Variants in AKAP6 observed in about 807,000 individuals in gnomAD.
The protein encoded by AKAP6 is A-kinase anchor protein 6.
A neutral mutation model predicts 188.5 loss-of-function variants in AKAP6; 58 were observed. That is an observed-to-expected ratio of 0.31 (90% CI 0.25 to 0.38). The LOEUF is 0.38. AKAP6 is among the 10% of genes least tolerant of loss of function. AKAP6 has a pLI of 1.00. For missense variants in AKAP6, 2,710 were observed against 2,740.0 expected, an observed-to-expected ratio of 0.99 and a Z score of 0.24; for synonymous variants, 989 against 998.6, an observed-to-expected ratio of 0.99 and a Z score of 0.18.
chr14:32,333,942 A>G (rs1472120208), intron 1 of AKAP6, among the ~76,000 whole-genome samples: 1 of 152,200 alleles, frequency 6.6e-6, no homozygotes, highest in East Asian at 1.9e-4. Context: ...TATGTATCAT[A>G]CAAGGTACCA....
At chr14:32,664,156 A>G (rs1888820639) in intron 7 of AKAP6, among the ~76,000 whole-genome samples, 1 of 140,770 alleles carries the variant, frequency 7.1e-6, no homozygotes, top group African/African-American at 3.1e-5. Flanking sequence ...ATTGAAGAGG[A>G]AAAAAAATGT....
chr14:32,378,499 A>G (rs1888231645), intron 1 of AKAP6, among the ~76,000 whole-genome samples: 1 of 152,190 alleles, frequency 6.6e-6, no homozygotes, highest in Non-Finnish European at 1.5e-5. Flanking sequence ...GCTTCCTTTG[A>G]AGTCAGTGGG....
intron 2 of AKAP6, among the ~76,000 whole-genome samples, chr14:32,496,042 T>A (rs1030457929): frequency 6.6e-6 from 1 of 152,248 alleles, no homozygotes; most frequent in Non-Finnish European, 1.5e-5. Context: ...ATACAAATGC[T>A]GTATAATAAG....
chr14:32,481,877 C>T (rs953112638), intron 2 of AKAP6, among the ~76,000 whole-genome samples: 1 of 152,188 alleles, frequency 6.6e-6, no homozygotes, highest in Non-Finnish European at 1.5e-5. Context: ...AAAATTATCT[C>T]CAATTACTGT....
chr14:32,573,576 T>A (rs1374334672), intron 4 of AKAP6, among the ~76,000 whole-genome samples: 1 of 152,222 alleles, frequency 6.6e-6, no homozygotes. Flanking sequence ...CTGAAATTTT[T>A]GCCACAATGA....
At position 32,545,593 on chromosome 14, in the gene AKAP6, G is replaced by T; in HGVS notation, c.940G>T (p.Ala314Ser). Residue 314 changes from alanine to serine, a missense_variant, in exon 4 of 14, where the codon GCA becomes TCA. By Grantham distance (99) the Ala-to-Ser change is moderately conservative. Coordinates refer to ENST00000280979, the MANE Select transcript of AKAP6 (RefSeq NM_004274.5). ...KGGCEEDNAS[A>S]VEEQPGLTLG... ...TGGATGTGAGGAAGACAATGCTTCTGCAGTCGAAGAGCAACCAGGCTTAAC... is the reference window on the plus strand; with the variant it reads ...TGGATGTGAGGAAGACAATGCTTCTTCAGTCGAAGAGCAACCAGGCTTAAC... The T allele has an allele frequency of 6.2e-7, 1 of 1,614,202 alleles. No individual in the cohort carries two copies. Among genetic ancestry groups the T allele is most frequent in the Admixed American group, 1.7e-5 (1 of 60,026 alleles).
At chr14:32,781,807 T>G (rs1030979998) in intron 12 of AKAP6, among the ~76,000 whole-genome samples, 1 of 152,140 alleles carries the variant, frequency 6.6e-6, no homozygotes, top group Non-Finnish European at 1.5e-5. Context: ...TTTGATTATC[T>G]CAATGCTGAA....
Position 32,437,167 on chromosome 14 carries a change from C to T in AKAP6, c.324+3350C>T, listed in dbSNP as rs572153912. Among the ~76,000 whole-genome samples, 26 of 152,232 alleles carry T rather than the reference C, an allele frequency of 1.7e-4. No homozygotes were observed. The South Asian group carries it at 2.1e-3, about 12-fold the overall frequency. ...CTTCTGCGGAGAAGCTCTCTTTCCC[C>T]ATTGTTACATGGCAGATTCTGGATC... On this transcript the variant is annotated intron_variant, in intron 2 of 13. Transcript: ENST00000280979.
intron 5 of AKAP6, among the ~76,000 whole-genome samples, chr14:32,587,690 G>A (rs1292544396): frequency 6.6e-6 from 1 of 152,186 alleles, no homozygotes; most frequent in Admixed American, 6.5e-5. Flanking sequence ...TTTCTAGTCA[G>A]AAATCTCATG....
intron 7 of AKAP6, among the ~76,000 whole-genome samples, chr14:32,613,476 A>G (rs979681490): frequency 3.3e-5 from 5 of 152,190 alleles, no homozygotes; most frequent in African/African-American, 1.2e-4. Flanking sequence ...ATTTTGAATT[A>G]TGAGGAATTT....
chr14:32,333,535 T>G (rs967843358), intron 1 of AKAP6, among the ~76,000 whole-genome samples: 4 of 152,140 alleles, frequency 2.6e-5, no homozygotes, highest in Non-Finnish European at 1.5e-5. Context: ...TCTATTTACT[T>G]TTTATTCCAT....
chr14:32,452,146 T>C (rs79951890), intron 2 of AKAP6, among the ~76,000 whole-genome samples: 6,358 of 149,040 alleles, frequency 0.043, 138 homozygotes, highest in East Asian at 0.11. Context: ...CTCAGCTTCC[T>C]AGCTGGGACT....
At chr14:32,428,637 G>A (rs1890115507) in intron 1 of AKAP6, among the ~76,000 whole-genome samples, 2 of 152,190 alleles carry the variant, frequency 1.3e-5, no homozygotes, top group African/African-American at 4.8e-5. Context: ...AAAGAAAGGA[G>A]AGAGAGGTGG....
At chr14:32,351,092 T>G (rs1005582519) in intron 1 of AKAP6, among the ~76,000 whole-genome samples, 6 of 152,234 alleles carry the variant, frequency 3.9e-5, no homozygotes, top group Admixed American at 3.9e-4. Context: ...GATTTTTAAA[T>G]GTTTGAGAGA....
chr14:32,697,700 A>G (rs1339503735), intron 9 of AKAP6, among the ~76,000 whole-genome samples: 3 of 152,160 alleles, frequency 2.0e-5, no homozygotes, highest in Admixed American at 6.6e-5. Context: ...TATTTTGCAC[A>G]TAAGCCACTA....
intron 1 of AKAP6, among the ~76,000 whole-genome samples, chr14:32,369,531 TCACA>T (rs1253634022): frequency 1.3e-5 from 2 of 152,332 alleles, no homozygotes; most frequent in African/African-American, 4.8e-5. Flanking sequence ...CACAACTTAT[TCACA>T]GTGATCATCC....
intron 2 of AKAP6, among the ~76,000 whole-genome samples, chr14:32,446,871 A>G (rs1436711106): frequency 2.0e-5 from 3 of 152,188 alleles, no homozygotes; most frequent in Non-Finnish European, 4.4e-5. Flanking sequence ...CTTTTATTTT[A>G]AAAAGCAAAT....
At chr14:32,683,558 C>A (rs186388911) in intron 8 of AKAP6, among the ~76,000 whole-genome samples, 2 of 152,162 alleles carry the variant, frequency 1.3e-5, no homozygotes, top group Non-Finnish European at 2.9e-5. Flanking sequence ...ATTTATTTAG[C>A]ACCTATTAAG....
Position 32,722,691 on chromosome 14 carries a change from A to C in AKAP6, c.3001-9763A>C, listed in dbSNP as rs181001906. Among the ~76,000 whole-genome samples the C allele has an allele frequency of 7.2e-4, 110 of 152,180 alleles. 2 individuals are homozygous for C. The highest frequency in any genetic ancestry group is 6.3e-3 in the Admixed American group (97 of 15,290). On this transcript the variant is annotated intron_variant, in intron 9 of 13. Transcript: ENST00000280979. Reference sequence around the variant, plus strand: ...AGAGGAGTTCAGCCAGGGATGGCCAAACTCTAGGGAAAGATTATCTTCTCA... The same window carrying C: ...AGAGGAGTTCAGCCAGGGATGGCCACACTCTAGGGAAAGATTATCTTCTCA...
Sources: gnomAD v4.1 joint callset for allele counts (sites outside exome capture counted in the v4.1 genomes callset) on GRCh38, gnomAD v4.1.1 for gene constraint, MANE v1.5 for transcripts, NCBI Gene and HGNC (gene_info 2026-07-23, HGNC 2026-07-21) for gene names.